The following PRKN variants were observed in gnomAD, a reference collection of about 807,000 sequenced individuals.
PRKN encodes the protein E3 ubiquitin-protein ligase parkin.
Under a neutral mutation model 59.5 loss-of-function variants are expected in PRKN, and 56 were observed. The ratio of observed to expected loss-of-function variants is 0.94; its 90% CI spans 0.76 to 1.18. The LOEUF (loss-of-function observed/expected upper bound fraction) is 1.18. PRKN is among the 50% of genes most tolerant of loss of function. PRKN has a pLI of 0.00. For synonymous variants in PRKN, 250 were observed against 222.1 expected, an observed-to-expected ratio of 1.13 and a Z score of -1.12; for missense variants, 657 against 596.4, an observed-to-expected ratio of 1.10 and a Z score of -1.06.
At chr6:161,679,556 CT>C (rs34325718) in intron 7 of PRKN, among the ~76,000 whole-genome samples, 18,773 of 109,002 alleles carry the variant, frequency 0.17, 1,744 homozygotes, top group Admixed American at 0.37. Context: ...AGTTTCAAGT[CT>C]TTTTTTTTTT....
chr6:161,843,568 T>C (rs1042159518), intron 6 of PRKN, among the ~76,000 whole-genome samples: 9 of 152,110 alleles, frequency 5.9e-5, no homozygotes, highest in African/African-American at 1.9e-4. Context: ...GGGAGATTAC[T>C]TAAGGTCAGG....
Position 161,400,354 on chromosome 6 carries a change from C to T in PRKN, c.1084-13477G>A, listed in dbSNP as rs1267374102. Among the ~76,000 whole-genome samples the T allele has an allele frequency of 6.6e-6, 1 of 151,560 alleles. No individual in the cohort carries two copies. The highest frequency in any genetic ancestry group is 1.5e-5 in the Non-Finnish European group (1 of 67,948). On this transcript the variant is annotated intron_variant, in intron 9 of 11. Coordinates refer to ENST00000366898, the MANE Select transcript of PRKN (RefSeq NM_004562.3). This position sits in a 1 kb window ranked among gnomAD's most constrained non-coding sequence, Gnocchi z 4.2. ...TGGAATTTCACTCTTGTCACCCAGGCTGGAGTGCAATGGCACGATCTCCGC... is the reference window on the plus strand; with the variant it reads ...TGGAATTTCACTCTTGTCACCCAGGTTGGAGTGCAATGGCACGATCTCCGC...
chr6:162,423,098 C>A (rs187216890), intron 2 of PRKN, among the ~76,000 whole-genome samples: 114 of 151,780 alleles, frequency 7.5e-4, no homozygotes, highest in African/African-American at 2.7e-3. Context: ...AATAGACAAT[C>A]ATTTCCCTTA....
intron 7 of PRKN, among the ~76,000 whole-genome samples, chr6:161,753,031 C>T (rs2128195354): frequency 6.6e-6 from 1 of 152,262 alleles, no homozygotes; most frequent in East Asian, 1.9e-4. Context: ...CGGTTAGAAT[C>T]AAGACCGACT....
chr6:161,514,558 C>T (rs968390019), intron 9 of PRKN, among the ~76,000 whole-genome samples: 5 of 151,850 alleles, frequency 3.3e-5, no homozygotes, highest in African/African-American at 4.8e-5. Context: ...TGACAAAAAG[C>T]AAGAGAGGGT....
chr6:162,533,860 AC>A (rs1412000816), intron 1 of PRKN, among the ~76,000 whole-genome samples: 1 of 151,172 alleles, frequency 6.6e-6, no homozygotes, highest in African/African-American at 2.4e-5. Context: ...AATCCCAGTT[AC>A]TTGGGAGGCT....
At chr6:162,256,713 G>A (rs1779652369) in intron 3 of PRKN, among the ~76,000 whole-genome samples, 1 of 152,148 alleles carries the variant, frequency 6.6e-6, no homozygotes, top group Non-Finnish European at 1.5e-5. Flanking sequence ...AGGCCTCCAG[G>A]AGAGGGACAC....
intron 5 of PRKN, among the ~76,000 whole-genome samples, chr6:162,025,061 C>G (rs530243990): frequency 4.1e-5 from 6 of 147,228 alleles, no homozygotes; most frequent in East Asian, 2.0e-4. Context: ...TGTCGCCCAG[C>G]CTGGAGTGCA....
intron 7 of PRKN, among the ~76,000 whole-genome samples, chr6:161,777,872 A>C (rs1790020199): frequency 7.0e-6 from 1 of 142,682 alleles, no homozygotes; most frequent in Admixed American, 7.2e-5. Flanking sequence ...ATGTATATGT[A>C]TACGTATATA....
intron 4 of PRKN, among the ~76,000 whole-genome samples, chr6:162,113,465 T>C (rs1018348347): frequency 2.0e-5 from 3 of 152,142 alleles, no homozygotes; most frequent in Non-Finnish European, 4.4e-5. Context: ...GTGTCTCACA[T>C]CAGTTAAATT....
chr6:162,463,365 G>T (rs1007976937), intron 1 of PRKN, among the ~76,000 whole-genome samples: 1 of 152,158 alleles, frequency 6.6e-6, no homozygotes, highest in Non-Finnish European at 1.5e-5. Context: ...TCTGTTAGGA[G>T]ATTATTCTCC....
At chr6:161,746,101 T>C (rs1788401643) in intron 7 of PRKN, among the ~76,000 whole-genome samples, 1 of 152,224 alleles carries the variant, frequency 6.6e-6, no homozygotes, top group Admixed American at 6.5e-5. Flanking sequence ...AGTCTCTCCA[T>C]GAATTAGGCA....
intron 2 of PRKN, among the ~76,000 whole-genome samples, chr6:162,436,272 T>C (rs1789766661): frequency 6.7e-6 from 1 of 149,438 alleles, no homozygotes; most frequent in Non-Finnish European, 1.5e-5. Context: ...AGCCATTACA[T>C]CCCTAAATTC....
intron 1 of PRKN, among the ~76,000 whole-genome samples, chr6:162,450,766 A>G (rs1463059967): frequency 6.6e-6 from 1 of 152,236 alleles, no homozygotes; most frequent in African/African-American, 2.4e-5. Flanking sequence ...CTAAGGGCCT[A>G]AGGAGATGAG....
chr6:161,933,216 G>GC (rs1486413950), intron 6 of PRKN, among the ~76,000 whole-genome samples: 8 of 152,142 alleles, frequency 5.3e-5, no homozygotes, highest in African/African-American at 1.9e-4. Context: ...GGAGGCAGAG[G>GC]CAGCAATAAG....
Position 161,440,998 on chromosome 6 carries a change from G to A in PRKN, c.1084-54121C>T, listed in dbSNP as rs1011880487. 6.6e-6 allele frequency among the ~76,000 whole-genome samples: 1 copy of A among 152,152 alleles called. No homozygotes were observed. Among genetic ancestry groups the A allele is most frequent in the African/African-American group, 2.4e-5 (1 of 41,434 alleles). ...AAATCTCATTGGTAAAGAGAGAGAG[G>A]ATTTTCCTAACAAAAATGTTCTGAA... On this transcript the variant is annotated intron_variant, in intron 9 of 11. Coordinates refer to ENST00000366898, the MANE Select transcript of PRKN (RefSeq NM_004562.3). This position sits in a 1 kb window ranked among gnomAD's most constrained non-coding sequence, Gnocchi z 4.1.
chr6:161,443,446 G>C (rs112561491), intron 9 of PRKN, among the ~76,000 whole-genome samples: 1 of 152,310 alleles, frequency 6.6e-6, no homozygotes, highest in Non-Finnish European at 1.5e-5. Flanking sequence ...GCAGGAGTTT[G>C]ATGGTACCAC....
At chr6:162,681,768 A>T (rs1239247872) in intron 1 of PRKN, among the ~76,000 whole-genome samples, 5 of 152,128 alleles carry the variant, frequency 3.3e-5, no homozygotes, top group Non-Finnish European at 5.9e-5. Flanking sequence ...GGTGAACACC[A>T]AGTGGCCAAT....
In PRKN at chr6:161,546,686, T is replaced by C. The variant is rs1255309010; in HGVS notation, c.1083+2168A>G. Reference sequence around the variant, plus strand: ...CTCTTTAAGATGGAGCCCAACTCCCTTCCCTTTGAGAGTGAGCTGGATCTA... The same window carrying C: ...CTCTTTAAGATGGAGCCCAACTCCCCTCCCTTTGAGAGTGAGCTGGATCTA... On this transcript the variant is annotated intron_variant, in intron 9 of 11. Coordinates refer to ENST00000366898, the MANE Select transcript of PRKN (RefSeq NM_004562.3). This position sits in a 1 kb window ranked among gnomAD's most constrained non-coding sequence, Gnocchi z 4.4. Among the ~76,000 whole-genome samples, 1 of 152,096 alleles carries C rather than the reference T, an allele frequency of 6.6e-6. No individual in the cohort carries two copies. The highest frequency in any genetic ancestry group is 2.4e-5 in the African/African-American group (1 of 41,422).
Sources: gnomAD v4.1 joint callset for allele counts (sites outside exome capture counted in the v4.1 genomes callset) on GRCh38, gnomAD v4.1.1 for gene constraint, Gnocchi (gnomAD v3.1) non-coding constraint, MANE v1.5 for transcripts, NCBI Gene and HGNC (gene_info 2026-07-23, HGNC 2026-07-21) for gene names.